PRKN: variants seen among roughly 807,000 people sequenced by gnomAD.
The protein encoded by PRKN is E3 ubiquitin-protein ligase parkin.
In PRKN, 56 loss-of-function variants were observed where a neutral mutation model predicts 59.5. The observed-to-expected ratio is 0.94, with a 90% CI of 0.76 to 1.18. The LOEUF is 1.18. Among genes scored for constraint, PRKN ranks in the 50% most tolerant of loss-of-function variants. PRKN has a pLI of 0.00. For synonymous variants in PRKN, 250 were observed against 222.1 expected (o/e 1.13, Z -1.12); for missense variants, 657 against 596.4 (o/e 1.10, Z -1.06).
intron 7 of PRKN, among the ~76,000 whole-genome samples, chr6:161,678,216 C>CTTTTT (rs3066554): frequency 0.025 from 1,605 of 64,938 alleles, 275 homozygotes; most frequent in African/African-American, 0.046. Context: ...TACTGAATCA[C>CTTTTT]TTTTTTTTTT....
At chr6:162,015,491 CCA>C (rs1484053417) in intron 5 of PRKN, among the ~76,000 whole-genome samples, 1 of 152,278 alleles carries the variant, frequency 6.6e-6, no homozygotes, top group East Asian at 1.9e-4. Context: ...CGTTCAAGGT[CCA>C]GTTTCAGCCA....
intron 4 of PRKN, among the ~76,000 whole-genome samples, chr6:162,185,958 G>A (rs570437218): frequency 6.6e-6 from 1 of 152,118 alleles, no homozygotes; most frequent in South Asian, 2.1e-4. Flanking sequence ...AGCAGAAGGA[G>A]AAAATCTTTA....
chr6:161,747,158 T>C (rs2128193425), intron 7 of PRKN, among the ~76,000 whole-genome samples: 1 of 152,268 alleles, frequency 6.6e-6, no homozygotes, highest in Non-Finnish European at 1.5e-5. Flanking sequence ...CTTTGAAGAC[T>C]GAAAATTTAA....
intron 6 of PRKN, among the ~76,000 whole-genome samples, chr6:161,870,870 C>G (rs960010320): frequency 6.6e-6 from 1 of 152,028 alleles, no homozygotes; most frequent in Non-Finnish European, 1.5e-5. Context: ...CTAGAGAACT[C>G]TGGGGAGTTA....
intron 6 of PRKN, among the ~76,000 whole-genome samples, chr6:161,940,551 T>A (rs1196099436): frequency 6.6e-6 from 1 of 152,366 alleles, no homozygotes; most frequent in East Asian, 1.9e-4. Context: ...GTTGAGAGTT[T>A]TAGAACCAGA....
At chr6:162,226,052 C>T (rs1042037655) in intron 3 of PRKN, among the ~76,000 whole-genome samples, 4 of 144,268 alleles carry the variant, frequency 2.8e-5, no homozygotes, top group African/African-American at 1.0e-4. Context: ...AGGGAGAAGG[C>T]ATCAATAAGT....
At chr6:162,081,952 T>C (rs1365231688) in intron 4 of PRKN, among the ~76,000 whole-genome samples, 2 of 152,124 alleles carry the variant, frequency 1.3e-5, no homozygotes, top group Admixed American at 6.6e-5. Context: ...ATGGCTTCTT[T>C]CCTTAAACCT....
intron 1 of PRKN, among the ~76,000 whole-genome samples, chr6:162,451,385 A>AAC (rs1321645568): frequency 6.6e-6 from 1 of 151,500 alleles, no homozygotes; most frequent in African/African-American, 2.4e-5. Context: ...AAAAAAAAAA[A>AAC]ATTGCAATGA....
intron 2 of PRKN, among the ~76,000 whole-genome samples, chr6:162,418,623 T>TGTGTGTGTGTGTGTGTGTGTGG (rs1788774131): frequency 7.0e-6 from 1 of 142,676 alleles, no homozygotes; most frequent in Admixed American, 6.8e-5. Context: ...AGTGTGTGTG[T>TGTGTGTGTGTGTGTGTGTGTGG]GTGTGTGTGT....
intron 5 of PRKN, among the ~76,000 whole-genome samples, chr6:162,044,366 G>A (rs1448820874): frequency 6.6e-6 from 1 of 152,200 alleles, no homozygotes; most frequent in African/African-American, 2.4e-5. Flanking sequence ...GCTTCCCAGA[G>A]CAGTTCCCTG....
intron 7 of PRKN, among the ~76,000 whole-genome samples, chr6:161,665,873 G>A (rs556705662): frequency 1.3e-5 from 2 of 152,204 alleles, no homozygotes; most frequent in South Asian, 2.1e-4. Context: ...CCACTGATGC[G>A]GAATATTAGG....
At position 161,397,073 on chromosome 6, in the gene PRKN, A is replaced by G. The variant is rs1456187390; in HGVS notation, c.1084-10196T>C. 6.6e-6 allele frequency among the ~76,000 whole-genome samples: 1 copy of G among 152,158 alleles called. No individual in the cohort carries two copies. Among genetic ancestry groups the G allele is most frequent in the Non-Finnish European group, 1.5e-5 (1 of 68,028 alleles). ...AAATGATCAAGGTGTTTTCTTCCCA[A>G]GCCCTGTTTCTTACTCATACCTCTA... On this transcript the variant is annotated intron_variant, in intron 9 of 11. Transcript: ENST00000366898. This position sits in a 1 kb window ranked among gnomAD's most constrained non-coding sequence, Gnocchi z 4.2.
intron 2 of PRKN, among the ~76,000 whole-genome samples, chr6:162,381,827 A>G (rs1376259222): frequency 6.6e-6 from 1 of 152,218 alleles, no homozygotes; most frequent in Non-Finnish European, 1.5e-5. Context: ...TAGTTAATAT[A>G]CATTCTCTTT....
At chr6:162,511,008 A>C (rs773950546) in intron 1 of PRKN, among the ~76,000 whole-genome samples, 7 of 152,136 alleles carry the variant, frequency 4.6e-5, no homozygotes, top group Non-Finnish European at 8.8e-5. Flanking sequence ...TACATTTGGG[A>C]AGAAAAGTAG....
At chr6:161,553,366 C>T (rs976141581) in intron 8 of PRKN, among the ~76,000 whole-genome samples, 5 of 151,954 alleles carry the variant, frequency 3.3e-5, no homozygotes, top group African/African-American at 1.2e-4. Context: ...TACCCCCTCT[C>T]TTTTCCTCCT....
intron 7 of PRKN, among the ~76,000 whole-genome samples, chr6:161,717,373 C>T (rs1787028989): frequency 6.6e-6 from 1 of 152,166 alleles, no homozygotes; most frequent in South Asian, 2.1e-4. Flanking sequence ...CTTTGAGGAG[C>T]ACATTCAAAC....
chr6:162,229,225 C>T (rs1253425002), intron 3 of PRKN, among the ~76,000 whole-genome samples: 1 of 152,104 alleles, frequency 6.6e-6, no homozygotes, highest in Admixed American at 6.6e-5. Context: ...CTGCTTCTGC[C>T]TAGTCTCCCC....
At chr6:162,126,472 A>C (rs1040378108) in intron 4 of PRKN, among the ~76,000 whole-genome samples, 2 of 152,218 alleles carry the variant, frequency 1.3e-5, no homozygotes, top group Non-Finnish European at 2.9e-5. Context: ...ATTTAGGAAA[A>C]GGTCAAATTA....
chr6:161,428,909 T>C lies in PRKN; in HGVS notation c.1084-42032A>G, dbSNP rs927073316. ...GTGCTGACCTATGGCTAGGGGTCCC[T>C]GGTTTCTCCCACCTTCTTCCTGATG... is the stretch of plus-strand genomic sequence containing the variant. On this transcript the variant is annotated intron_variant, in intron 9 of 11. Coordinates refer to ENST00000366898, the MANE Select transcript of PRKN (RefSeq NM_004562.3). The surrounding 1 kb of genome is among the most constrained non-coding windows in gnomAD (Gnocchi z 4.0). Among the ~76,000 whole-genome samples, 13 of 152,190 alleles carry C rather than the reference T, an allele frequency of 8.5e-5. No homozygotes were observed. The highest frequency in any genetic ancestry group is 2.9e-4 in the African/African-American group (12 of 41,450).
Sources: gnomAD v4.1 joint callset for allele counts (sites outside exome capture counted in the v4.1 genomes callset) on GRCh38, gnomAD v4.1.1 for gene constraint, Gnocchi (gnomAD v3.1) non-coding constraint, MANE v1.5 for transcripts, NCBI Gene and HGNC (gene_info 2026-07-23, HGNC 2026-07-21) for gene names.